The following LRRK1 variants were observed in gnomAD, a reference collection of about 807,000 sequenced individuals.
The protein encoded by LRRK1 is leucine-rich repeat serine/threonine-protein kinase 1.
In LRRK1, 113 loss-of-function variants were observed where a neutral mutation model predicts 209.1. The observed-to-expected ratio is 0.54, with a 90% CI of 0.46 to 0.63. The LOEUF is 0.63. Among genes scored for constraint, LRRK1 ranks in the 30% least tolerant of loss-of-function variants. The pLI is 0.00. For missense variants in LRRK1, 2,284 were observed against 2,632.2 expected (o/e 0.87, Z 2.89); for synonymous variants, 1,144 against 1,099.7 (o/e 1.04, Z -0.80).
At chr15:101,065,318 A>T in intron 31 of LRRK1, 34 bp from the exon 32 acceptor site, 1 of 1,597,638 alleles carries the variant, frequency 6.3e-7, no homozygotes, top group Non-Finnish European at 8.5e-7. Context: ...TGTGAAATGG[A>T]AGGATGTGAC....
rs981034495 is a variant in LRRK1, at chr15:101,070,303, C to A, written c.*1455C>A. On this transcript the variant is annotated 3_prime_UTR_variant, in exon 34 of 34. Transcript: ENST00000388948. Reference sequence around the variant, plus strand: ...ACAGGCTTGGAAAAAGCGAGTCCCCCCACTCTTTTTTTTTTTTTTTTTTTT... The same window carrying A: ...ACAGGCTTGGAAAAAGCGAGTCCCCACACTCTTTTTTTTTTTTTTTTTTTT... 1.2e-4 allele frequency: 18 copies of A among 145,906 alleles called. No individual in the cohort carries two copies. The highest frequency in any genetic ancestry group is 4.6e-4 in the African/African-American group (18 of 39,308). 9.0% of individuals were successfully genotyped at this position (145,906 alleles called of 1,614,324 possible).
At chr15:100,982,076 C>T (rs1260624467) in intron 3 of LRRK1, among the ~76,000 whole-genome samples, 1 of 149,710 alleles carries the variant, frequency 6.7e-6, no homozygotes, top group Non-Finnish European at 1.5e-5. Context: ...TCCCTGGCAT[C>T]CTGAGTGCCC....
In LRRK1 at chr15:101,065,920, T is replaced by C; in HGVS notation, c.5483T>C (p.Ile1828Thr). 6.2e-7 allele frequency: 1 copy of C among 1,614,130 alleles called. No homozygotes were observed. Among genetic ancestry groups the C allele is most frequent in the Non-Finnish European group, 8.5e-7 (1 of 1,179,998 alleles). Residue 1828 changes from isoleucine to threonine, a missense_variant, in exon 32 of 34, where the codon ATC (isoleucine) becomes ACC (threonine). Around this residue, in one of 6 missense-constraint regions of LRRK1, gnomAD observed 643 missense variants for 695.9 expected, o/e 0.92. Transcript: ENST00000388948. Reference protein sequence around the residue: ...IMYSEELGTQILIHQESLTDY... With the variant: ...IMYSEELGTQTLIHQESLTDY... ...TACAGTGAGGAGCTGGGCACGCAGA[T>C]CCTGATCCACCAGGAATCACTCACT... is the stretch of plus-strand genomic sequence containing the variant.
chr15:101,027,765 A>G lies in LRRK1; in HGVS notation c.2654A>G (p.Asn885Ser). Residue 885 changes from asparagine (N) to serine (S), a missense_variant, in exon 19 of 34, where the codon AAC (asparagine) becomes AGC (serine). Physicochemically the swap from Asn to Ser is conservative, Grantham distance 46. Coordinates refer to ENST00000388948, the MANE Select transcript of LRRK1 (RefSeq NM_024652.6). This position sits in a 1 kb window ranked among gnomAD's most constrained non-coding sequence, Gnocchi z 5.1. ...LEQLVEQTPD[N>S]DIKDYEDLQS... Reference sequence around the variant, plus strand: ...CAGCTGGTGGAGCAGACGCCCGACAACGACATCAAGGACTACGAGGACCTG... The same window carrying G: ...CAGCTGGTGGAGCAGACGCCCGACAGCGACATCAAGGACTACGAGGACCTG... The G allele has an allele frequency of 6.2e-7, 1 of 1,600,356 alleles. No individual in the cohort carries two copies. Among genetic ancestry groups the G allele is most frequent in the South Asian group, 1.1e-5 (1 of 88,678 alleles).
chr15:101,065,190 G>T, intron 31 of LRRK1, 162 bp from the exon 32 acceptor site: 2 of 723,744 alleles, frequency 2.8e-6, no homozygotes, highest in Non-Finnish European at 2.3e-6. Context: ...ACTTCTTTAG[G>T]AGTAGCCCCG....
chr15:101,032,164 T>C (rs2034311808), intron 20 of LRRK1, among the ~76,000 whole-genome samples: 2 of 152,264 alleles, frequency 1.3e-5, no homozygotes, highest in Non-Finnish European at 1.5e-5. Context: ...TTCGTGAGCT[T>C]ATTGGCCGTT....
At chr15:101,030,330 C>T (rs1458672437) in intron 20 of LRRK1, among the ~76,000 whole-genome samples, 1 of 152,098 alleles carries the variant, frequency 6.6e-6, no homozygotes, top group Non-Finnish European at 1.5e-5. Context: ...TCAGCAGGCC[C>T]CTCCCCTGCA....
chr15:101,044,061 A>G (rs1668247762), intron 20 of LRRK1: 1 of 152,254 alleles, frequency 6.6e-6, no homozygotes, highest in African/African-American at 2.4e-5. Flanking sequence ...CAGCACAGGC[A>G]TAATGGTTCC....
chr15:101,039,945 C>A (rs946501925), intron 20 of LRRK1, among the ~76,000 whole-genome samples: 4 of 152,046 alleles, frequency 2.6e-5, no homozygotes, highest in African/African-American at 9.7e-5. Context: ...GATTTATTAT[C>A]TTTTTTATCT....
intron 2 of LRRK1, among the ~76,000 whole-genome samples, chr15:100,965,410 G>GT (rs2030388380): frequency 6.6e-6 from 1 of 152,138 alleles, no homozygotes; most frequent in South Asian, 2.1e-4. Flanking sequence ...AATATTTTAT[G>GT]TTTTTTCTAA....
In LRRK1 at chr15:101,068,816, C is replaced by G; in HGVS notation, c.6016C>G (p.Arg2006Gly). Residue 2006 changes from arginine to glycine, a missense_variant, in exon 34 of 34, where the codon CGG becomes GGG. Coordinates refer to ENST00000388948, the MANE Select transcript of LRRK1 (RefSeq NM_024652.6). ...CTACCAGTCCTACGAGGAGCTGGGC[C>G]GGCTGGAGGCTTGCACTCGCAAGAG... Reference protein sequence around the residue: ...IFYQSYEELGRLEACTRKRR With the variant: ...IFYQSYEELGGLEACTRKRR The G allele has an allele frequency of 6.2e-7, 1 of 1,609,378 alleles. No individual in the cohort carries two copies. The highest frequency in any genetic ancestry group is 8.5e-7 in the Non-Finnish European group (1 of 1,178,040).
At chr15:100,929,727 G>A (rs1488506634) in intron 2 of LRRK1, among the ~76,000 whole-genome samples, 5 of 152,174 alleles carry the variant, frequency 3.3e-5, no homozygotes, top group African/African-American at 9.7e-5. Flanking sequence ...TGTTCACACC[G>A]TGAGAGCCAC....
At chr15:101,032,858 C>T (rs1476228910) in intron 20 of LRRK1, among the ~76,000 whole-genome samples, 3 of 152,160 alleles carry the variant, frequency 2.0e-5, no homozygotes, top group African/African-American at 7.2e-5. Context: ...TATGCCTATC[C>T]TTATGCCAGT....
At chr15:100,945,480 CTCTTTTT>C (rs1567193442) in intron 2 of LRRK1, among the ~76,000 whole-genome samples, 5 of 119,410 alleles carry the variant, frequency 4.2e-5, no homozygotes, top group Non-Finnish European at 8.7e-5. Context: ...TCTGCAGAGC[CTCTTTTT>C]TTTTTTTTTT....
Position 101,048,535 on chromosome 15 carries a change from A to T in LRRK1, c.3177A>T (p.Lys1059Asn), listed in dbSNP as rs2035214274. 2 of 1,598,616 alleles carry T rather than the reference A, an allele frequency of 1.3e-6. No individual in the cohort carries two copies. Among genetic ancestry groups the T allele is most frequent in the African/African-American group, 2.7e-5 (2 of 73,612 alleles). ...NKKNTKSRNR[K>N]VTIYSFTGNQ... ...AGAATACTAAAAGCAGGAACAGGAA[A>T]GTCACCATTTACAGTTTTACAGGAA... The change falls in exon 22 of 34, where the codon AAA becomes AAT. Residue 1059 changes from lysine (K) to asparagine (N), a missense_variant. Around this residue, in one of 6 missense-constraint regions of LRRK1, gnomAD observed 780 missense variants for 985.2 expected, o/e 0.79. Transcript: ENST00000388948.
At chr15:101,045,886 A>G in intron 20 of LRRK1, 95 bp from the exon 21 acceptor site, 1 of 1,067,092 alleles carries the variant, frequency 9.4e-7, no homozygotes, top group Non-Finnish European at 1.4e-6. Flanking sequence ...GTGTTCCAGC[A>G]CAGCCTGTCC....
intron 20 of LRRK1, among the ~76,000 whole-genome samples, chr15:101,039,851 C>T (rs2034663716): frequency 6.6e-6 from 1 of 152,096 alleles, no homozygotes; most frequent in Non-Finnish European, 1.5e-5. Context: ...TTTTTTTCTT[C>T]AGTTATTTTT....
chr15:100,961,601 C>T (rs540071445), intron 2 of LRRK1, among the ~76,000 whole-genome samples: 4 of 149,628 alleles, frequency 2.7e-5, no homozygotes, highest in Non-Finnish European at 5.9e-5. Context: ...TGCAGTTAGC[C>T]GAGATCGCGC....
intron 2 of LRRK1, among the ~76,000 whole-genome samples, chr15:100,972,342 G>C (rs1348544696): frequency 1.1e-5 from 1 of 91,806 alleles, no homozygotes. Context: ...ATATGAGAGA[G>C]AGAGAGAGAG....
Sources: gnomAD v4.1 joint callset for allele counts (sites outside exome capture counted in the v4.1 genomes callset) on GRCh38, gnomAD v4.1.1 for gene constraint, gnomAD v4.1.1 regional missense constraint, Gnocchi (gnomAD v3.1) non-coding constraint, MANE v1.5 for transcripts, NCBI Gene and HGNC (gene_info 2026-07-23, HGNC 2026-07-21) for gene names.